Variants in SGCG observed in about 807,000 individuals in gnomAD.
SGCG encodes gamma-sarcoglycan.
Under a neutral mutation model 29.3 loss-of-function variants are expected in SGCG, and 26 were observed. The ratio of observed to expected loss-of-function variants is 0.89; its 90% CI spans 0.65 to 1.23. The LOEUF is 1.23. Among genes scored for constraint, SGCG ranks in the 50% most tolerant of loss-of-function variants. SGCG has a pLI of 0.00. For synonymous variants in SGCG, 145 were observed against 129.7 expected, an observed-to-expected ratio of 1.12 and a Z score of -0.80; for missense variants, 353 against 356.0, an observed-to-expected ratio of 0.99 and a Z score of 0.07.
chr13:23,193,158 C>A (rs867558855), intron 1 of SGCG, among the ~76,000 whole-genome samples: 18 of 152,104 alleles, frequency 1.2e-4, no homozygotes, highest in African/African-American at 4.3e-4. Flanking sequence ...GTGGGAACAA[C>A]GTGTCCAAAG....
In SGCG at chr13:23,285,791, G is replaced by A. The variant is rs113863819; in HGVS notation, c.505+6313G>A. On this transcript the variant is annotated intron_variant, in intron 5 of 7. Coordinates refer to ENST00000218867, the MANE Select transcript of SGCG (RefSeq NM_000231.3). ...GCAGGTTGCGAAGACCATGGGAAAA[G>A]CATAGTGTCTGGGCTGAATAGCACC... 6.7e-3 allele frequency among the ~76,000 whole-genome samples: 1,027 copies of A among 152,224 alleles called. 13 individuals are homozygous for A. The highest frequency in any genetic ancestry group is 0.023 in the African/African-American group (946 of 41,546).
intron 1 of SGCG, among the ~76,000 whole-genome samples, chr13:23,203,047 TC>T (rs1877826353): frequency 1.3e-5 from 2 of 152,114 alleles, no homozygotes; most frequent in Admixed American, 6.5e-5. Context: ...GCAACCTCCA[TC>T]TACTGGGTTC....
At chr13:23,193,122 C>T (rs942585549) in intron 1 of SGCG, among the ~76,000 whole-genome samples, 8 of 152,298 alleles carry the variant, frequency 5.3e-5, no homozygotes, top group African/African-American at 1.9e-4. Flanking sequence ...GTGGTGGCCA[C>T]GTGGTATGGA....
intron 5 of SGCG, among the ~76,000 whole-genome samples, chr13:23,285,992 A>G (rs1350004266): frequency 6.6e-6 from 1 of 152,192 alleles, no homozygotes; most frequent in Non-Finnish European, 1.5e-5. Context: ...TTGGAAATGC[A>G]GAAATCACCC....
intron 3 of SGCG, among the ~76,000 whole-genome samples, chr13:23,250,177 A>C (rs2137568693): frequency 6.6e-6 from 1 of 152,352 alleles, no homozygotes. Context: ...CTGTATACAT[A>C]GATTTTTTTA....
the SGCG span, among the ~76,000 whole-genome samples, chr13:23,165,832 C>G: frequency 6.6e-6 from 1 of 151,920 alleles, no homozygotes; most frequent in Non-Finnish European, 1.5e-5. Flanking sequence ...CAGCCTGTTT[C>G]AAATTCTACT....
intron 7 of SGCG, among the ~76,000 whole-genome samples, chr13:23,322,961 T>A (rs1883107702): frequency 6.6e-6 from 1 of 152,118 alleles, no homozygotes; most frequent in South Asian, 2.1e-4. Flanking sequence ...CTTAATTATG[T>A]CATAGGGTTT....
chr13:23,273,234 C>A (rs984495724), intron 4 of SGCG, among the ~76,000 whole-genome samples: 1 of 150,634 alleles, frequency 6.6e-6, no homozygotes, highest in African/African-American at 2.4e-5. Flanking sequence ...GCCCAGGCTT[C>A]AGTACAATGG....
intron 5 of SGCG, among the ~76,000 whole-genome samples, chr13:23,285,596 C>G (rs1881467310): frequency 6.6e-6 from 1 of 152,186 alleles, no homozygotes; most frequent in Admixed American, 6.5e-5. Context: ...CTGGCTTCAG[C>G]CCCCTTTCCA....
intron 4 of SGCG, among the ~76,000 whole-genome samples, chr13:23,270,388 G>C (rs2137602308): frequency 6.6e-6 from 1 of 152,316 alleles, no homozygotes; most frequent in Admixed American, 6.5e-5. Context: ...GTGAGAAATG[G>C]CATGTCAGTG....
At chr13:23,218,103 T>C (rs1593178920) in intron 2 of SGCG, among the ~76,000 whole-genome samples, 1 of 152,138 alleles carries the variant, frequency 6.6e-6, no homozygotes. Flanking sequence ...TAATGGAAGA[T>C]GATTTGAGAA....
chr13:23,300,970 G>A (rs7995670), intron 6 of SGCG, among the ~76,000 whole-genome samples: 108,778 of 151,718 alleles, frequency 0.72, 41,086 homozygotes, highest in East Asian at 0.89. Flanking sequence ...AAAAGAATTA[G>A]CCGGGTGTGG....
At chr13:23,276,526 G>A (rs1312831833) in intron 4 of SGCG, among the ~76,000 whole-genome samples, 7 of 136,940 alleles carry the variant, frequency 5.1e-5, no homozygotes, top group Non-Finnish European at 1.1e-4. Flanking sequence ...TCCACCTCCC[G>A]GGTTCAAGCA....
rs1371560061 is a variant in SGCG at position 23,312,811 on chromosome 13, A to G, written c.579-7826A>G. On this transcript the variant is annotated intron_variant, in intron 6 of 7. Transcript: ENST00000218867. ...CTTTTATATTAAATTGTTTTTCCAA[A>G]TGTGACATTTGAAAAAAAATGGTGT... Among the ~76,000 whole-genome samples, 4 of 85,534 alleles carry G rather than the reference A, an allele frequency of 4.7e-5. No individual in the cohort carries two copies. The East Asian group carries it at 1.6e-3, about 34-fold the overall frequency. 56.1% of individuals were successfully genotyped at this position (85,534 alleles called of 152,430 possible).
chr13:23,259,113 G>T (rs1235382856), intron 4 of SGCG, among the ~76,000 whole-genome samples: 1 of 152,156 alleles, frequency 6.6e-6, no homozygotes, highest in African/African-American at 2.4e-5. Context: ...GTTTCAGAAG[G>T]AATGGTACCA....
intron 6 of SGCG, among the ~76,000 whole-genome samples, chr13:23,303,829 C>T (rs868465166): frequency 5.3e-5 from 8 of 152,182 alleles, no homozygotes; most frequent in Admixed American, 1.3e-4. Flanking sequence ...ATTCCCCTTT[C>T]GGTGACTTTC....
intron 6 of SGCG, among the ~76,000 whole-genome samples, chr13:23,308,089 G>A (rs900215275): frequency 2.0e-5 from 3 of 152,172 alleles, no homozygotes; most frequent in African/African-American, 7.2e-5. Flanking sequence ...TGAATTTATA[G>A]ACACTGATCT....
At chr13:23,306,722 T>C (rs962899707) in intron 6 of SGCG, among the ~76,000 whole-genome samples, 3 of 152,168 alleles carry the variant, frequency 2.0e-5, no homozygotes, top group Admixed American at 6.5e-5. Flanking sequence ...TGACAACTTA[T>C]GGTGTGGCTT....
chr13:23,275,979 A>T (rs1015674521), intron 4 of SGCG, among the ~76,000 whole-genome samples: 1 of 152,328 alleles, frequency 6.6e-6, no homozygotes, highest in African/African-American at 2.4e-5. Context: ...CACCAGAAAA[A>T]CCCTTAAGCT....
Sources: allele counts gnomAD v4.1 joint callset (sites outside exome capture counted in the v4.1 genomes callset), GRCh38; gene constraint gnomAD v4.1.1; transcripts MANE v1.5; gene names NCBI Gene and HGNC (gene_info 2026-07-23, HGNC 2026-07-21).